Variants in HECW1 observed in about 807,000 individuals in gnomAD.
The protein encoded by HECW1 is E3 ubiquitin-protein ligase HECW1.
HECW1 carries 61 observed loss-of-function variants against 182.3 expected under a neutral mutation model. The ratio of observed to expected loss-of-function variants is 0.33; its 90% CI spans 0.27 to 0.41. The LOEUF is 0.41. Among genes scored for constraint, HECW1 ranks in the 10% least tolerant of loss-of-function variants. The pLI is 1.00. For missense variants in HECW1, 1,739 were observed against 2,108.9 expected, an observed-to-expected ratio of 0.82 and a Z score of 3.44; for synonymous variants, 859 against 832.6, an observed-to-expected ratio of 1.03 and a Z score of -0.55.
In HECW1 at chr7:43,112,820, G is replaced by A. The variant is rs545829167; in HGVS notation, c.-384G>A. The A allele has an allele frequency of 2.2e-3, 514 of 228,926 alleles. 10 individuals are homozygous for A. Among genetic ancestry groups the A allele is most frequent in the Middle Eastern group, 1.3e-3 (1 of 764 alleles). The allele number at this position is 228,926 out of a possible 1,614,324, so 14.2% of individuals were successfully genotyped here. ...GCGCAGCGAGAGCGGGCGGTCGCCA[G>A]GGTCCCCTCCCCAGCCAGTCCCAGG... On this transcript the variant is annotated 5_prime_UTR_variant, in exon 1 of 30. Transcript: ENST00000395891.
rs1269569419 is a variant in HECW1 at position 43,565,772 on chromosome 7, G to A, written c.*3846G>A. ...AAAAGGTGCCTAGAGGTAGTATATAGAGTAAATATTGTTCCTTTAGCCTAC... is the reference window on the plus strand; with the variant it reads ...AAAAGGTGCCTAGAGGTAGTATATAAAGTAAATATTGTTCCTTTAGCCTAC... On this transcript the variant is annotated 3_prime_UTR_variant, in exon 30 of 30. Transcript: ENST00000395891. The A allele has an allele frequency of 5.4e-6, 1 of 185,002 alleles. No individual in the cohort carries two copies. The highest frequency in any genetic ancestry group is 2.4e-5 in the African/African-American group (1 of 42,552). 11.5% of individuals were successfully genotyped at this position (185,002 alleles called of 1,614,324 possible). A position where few individuals can be genotyped will look rare whatever the true frequency, so the allele number is the denominator to read the frequency against.
chr7:43,285,227 T>C (rs1804481172), intron 3 of HECW1, among the ~76,000 whole-genome samples: 1 of 152,192 alleles, frequency 6.6e-6, no homozygotes, highest in Admixed American at 6.5e-5. Flanking sequence ...ATTAGATATG[T>C]AGACAAACTG....
At chr7:43,116,343 TAATCCACACTTAAACAG>T (rs1785048219) in intron 2 of HECW1, among the ~76,000 whole-genome samples, 1 of 152,222 alleles carries the variant, frequency 6.6e-6, no homozygotes, top group Non-Finnish European at 1.5e-5. Context: ...CTTTAACCTC[TAATCCACACTTAAACAG>T]AAGACGTGAG....
chr7:43,302,266 A>G (rs1261385826), intron 3 of HECW1, among the ~76,000 whole-genome samples: 1 of 152,192 alleles, frequency 6.6e-6, no homozygotes, highest in Non-Finnish European at 1.5e-5. Context: ...GCCATGGATG[A>G]GGCAGCTAAC....
At chr7:43,541,294 G>A in intron 25 of HECW1, 33 bp downstream of exon 25, 1 of 1,542,264 alleles carries the variant, frequency 6.5e-7, no homozygotes, top group Non-Finnish European at 9.0e-7. Context: ...TTCCAACCCA[G>A]CCCTGTCTGC....
chr7:43,353,544 G>A lies in HECW1; in HGVS notation c.461-7342G>A, dbSNP rs189280945. 1.3e-3 allele frequency among the ~76,000 whole-genome samples: 202 copies of A among 152,140 alleles called. 1 individual carries two copies. The highest frequency in any genetic ancestry group is 4.7e-3 in the African/African-American group (194 of 41,468). The stretch of plus-strand genomic sequence containing the variant: ...GCAATATCCCAGAACTCAAATATGA[G>A]GGTAAGACAGCTCTCAGGGCCACAA... On this transcript the variant is annotated intron_variant, in intron 5 of 29. Transcript: ENST00000395891.
chr7:43,371,127 T>C (rs1191462432), intron 6 of HECW1, among the ~76,000 whole-genome samples: 1 of 152,136 alleles, frequency 6.6e-6, no homozygotes, highest in Non-Finnish European at 1.5e-5. Context: ...GACCTTGTGA[T>C]CCACCCGCCT....
chr7:43,442,031 A>G (rs1246841205), intron 9 of HECW1, among the ~76,000 whole-genome samples: 2 of 152,216 alleles, frequency 1.3e-5, no homozygotes, highest in East Asian at 3.8e-4. Flanking sequence ...GCGATACACA[A>G]CACGATACTT....
intron 17 of HECW1, among the ~76,000 whole-genome samples, chr7:43,483,547 CT>C (rs549214390): frequency 0.027 from 3,195 of 118,986 alleles, 67 homozygotes; most frequent in East Asian, 0.13. Flanking sequence ...CATGCAAACT[CT>C]TTTTTTTTTT....
intron 2 of HECW1, 28 bp downstream of exon 2, chr7:43,114,419 T>G: frequency 7.5e-7 from 1 of 1,332,342 alleles, no homozygotes; most frequent in Non-Finnish European, 9.9e-7. Context: ...GGGGATTCAT[T>G]TAAAAATGTG....
chr7:43,113,676 G>C (rs978398826), intron 1 of HECW1: 13 of 197,804 alleles, frequency 6.6e-5, no homozygotes, highest in African/African-American at 2.1e-4. Context: ...CGGGGAGGGG[G>C]GGGGAATGCG....
chr7:43,512,293 G>T (rs544287612), intron 24 of HECW1, among the ~76,000 whole-genome samples: 3 of 152,204 alleles, frequency 2.0e-5, no homozygotes, highest in Non-Finnish European at 2.9e-5. Context: ...AAGGACAGAG[G>T]TGCCTTAATG....
chr7:43,142,091 C>T (rs896622271), intron 2 of HECW1, among the ~76,000 whole-genome samples: 2 of 152,114 alleles, frequency 1.3e-5, no homozygotes, highest in African/African-American at 2.4e-5. Context: ...AGAGAAAATT[C>T]TCTGAGGACT....
intron 16 of HECW1, among the ~76,000 whole-genome samples, chr7:43,476,185 C>G (rs937430781): frequency 5.9e-5 from 9 of 152,078 alleles, no homozygotes; most frequent in African/African-American, 1.9e-4. Flanking sequence ...ATATGATGAG[C>G]AGACAAAAAG....
intron 2 of HECW1, among the ~76,000 whole-genome samples, chr7:43,189,090 G>T (rs1793663717): frequency 6.6e-6 from 1 of 152,158 alleles, no homozygotes. Context: ...AGAGGCAGTT[G>T]TGTGTTTGCC....
intron 6 of HECW1, 112 bp downstream of exon 6, chr7:43,361,092 G>A (rs991913697): frequency 2.4e-5 from 16 of 657,446 alleles, no homozygotes; most frequent in Admixed American, 5.7e-5. Flanking sequence ...GTGTGTGTAC[G>A]TGTACATACA....
chr7:43,330,665 G>A (rs940432545), intron 5 of HECW1, among the ~76,000 whole-genome samples: 1 of 152,246 alleles, frequency 6.6e-6, no homozygotes, highest in African/African-American at 2.4e-5. Context: ...GGGTGGCCAT[G>A]TGGGGGCTAT....
chr7:43,198,523 A>ACTC (rs1794712580), intron 2 of HECW1, among the ~76,000 whole-genome samples: 1 of 148,522 alleles, frequency 6.7e-6, no homozygotes, highest in Non-Finnish European at 1.5e-5. Flanking sequence ...CACACCACAG[A>ACTC]CACCACACTC....
chr7:43,488,463 A>AGAAAGAAAGAAG (rs2078786819), intron 17 of HECW1, among the ~76,000 whole-genome samples: 1 of 150,560 alleles, frequency 6.6e-6, no homozygotes, highest in Non-Finnish European at 1.5e-5. Flanking sequence ...AAAGAAAGAA[A>AGAAAGAAAGAAG]GAAAGAAAGA....
Sources: gnomAD v4.1 joint callset for allele counts (sites outside exome capture counted in the v4.1 genomes callset) on GRCh38, gnomAD v4.1.1 for gene constraint, MANE v1.5 for transcripts, NCBI Gene and HGNC (gene_info 2026-07-23, HGNC 2026-07-21) for gene names.